GNAI1: variants seen among roughly 807,000 people sequenced by gnomAD.
GNAI1 encodes the protein guanine nucleotide-binding protein G(i) subunit alpha-1.
Under a neutral mutation model 38.9 loss-of-function variants are expected in GNAI1, and 11 were observed. The ratio of observed to expected loss-of-function variants is 0.28; its 90% CI spans 0.18 to 0.47. GNAI1 has a LOEUF of 0.47. Ranked by LOEUF, GNAI1 falls within the 20% of genes least tolerant of loss-of-function variation. The pLI, the probability that GNAI1 is intolerant of heterozygous loss-of-function variation, is 0.99. For synonymous variants in GNAI1, 166 were observed against 145.1 expected (o/e 1.14, Z -1.04); for missense variants, 317 against 436.9 (o/e 0.73, Z 2.45).
At chr7:80,175,642 C>G (rs764982318) in intron 1 of GNAI1, among the ~76,000 whole-genome samples, 10 of 150,884 alleles carry the variant, frequency 6.6e-5, no homozygotes, top group Non-Finnish European at 1.3e-4. Flanking sequence ...TATGTGTGCT[C>G]ATTTTGTATC....
Position 80,182,469 on chromosome 7 carries a change from G to C in GNAI1, c.119-6482G>C, listed in dbSNP as rs555395640. 1.1e-4 allele frequency among the ~76,000 whole-genome samples: 17 copies of C among 152,212 alleles called. 1 individual carries two copies. In the South Asian group the frequency reaches 3.5e-3, roughly 32 times the overall value. On this transcript the variant is annotated intron_variant, in intron 1 of 7. Transcript: ENST00000649796. ...TTTTGAAGCTGTGGATTTTGGATTT[G>C]AACGTTTACAGTCATTATTAAATTC...
chr7:80,219,913 C>CT lies in GNAI1; in HGVS notation c.*2421dup, dbSNP rs1474976512. The stretch of plus-strand genomic sequence containing the variant: ...CTGACAGTTCTACAAAGCCTTAAAT[C>CT]TGTTTTTTGTTTGTTTTCCTTTCTA... On this transcript the variant is annotated 3_prime_UTR_variant, in exon 8 of 8. Transcript: ENST00000649796. 6.6e-6 allele frequency among the ~76,000 whole-genome samples: 1 copy of CT among 152,150 alleles called. No individual in the cohort carries two copies. Among genetic ancestry groups the CT allele is most frequent in the Non-Finnish European group, 1.5e-5 (1 of 68,034 alleles).
At chr7:80,153,696 C>T (rs1275957830) in intron 1 of GNAI1, among the ~76,000 whole-genome samples, 1 of 152,136 alleles carries the variant, frequency 6.6e-6, no homozygotes, top group Non-Finnish European at 1.5e-5. Context: ...AGGTTTACAT[C>T]CATTGTGCCA....
intron 4 of GNAI1, among the ~76,000 whole-genome samples, chr7:80,203,223 G>T (rs1441574533): frequency 6.6e-6 from 1 of 152,108 alleles, no homozygotes; most frequent in Non-Finnish European, 1.5e-5. Context: ...ACATAAGACT[G>T]GTTGAAAAGA....
At chr7:80,138,280 G>A (rs1787461615) in intron 1 of GNAI1, among the ~76,000 whole-genome samples, 1 of 152,104 alleles carries the variant, frequency 6.6e-6, no homozygotes, top group Admixed American at 6.5e-5. Flanking sequence ...CACACTATTA[G>A]TAAAGATTTT....
chr7:80,172,503 A>G (rs958569340), intron 1 of GNAI1, among the ~76,000 whole-genome samples: 1 of 152,162 alleles, frequency 6.6e-6, no homozygotes, highest in Admixed American at 6.5e-5. Flanking sequence ...TTAGTCAAAA[A>G]CATATGCTTC....
intron 5 of GNAI1, among the ~76,000 whole-genome samples, chr7:80,207,003 C>T (rs1788787673): frequency 6.6e-6 from 1 of 152,004 alleles, no homozygotes; most frequent in Non-Finnish European, 1.5e-5. Context: ...TACTGTATTT[C>T]TAACCAATAT....
chr7:80,146,184 A>C (rs1289853211), intron 1 of GNAI1, among the ~76,000 whole-genome samples: 1 of 152,026 alleles, frequency 6.6e-6, no homozygotes, highest in Non-Finnish European at 1.5e-5. Flanking sequence ...TTTGGCCCAG[A>C]GTGGAGATTA....
Position 80,221,379 on chromosome 7 carries a change from A to C in GNAI1, c.*3886A>C, listed in dbSNP as rs1789071708. On this transcript the variant is annotated 3_prime_UTR_variant, in exon 8 of 8. Coordinates refer to ENST00000649796, the MANE Select transcript of GNAI1 (RefSeq NM_002069.6). ...CGTCAATACAATTTGCTGTTATTTG[A>C]TTATAAATAATAGTTTTAAGGTGCC... Among the ~76,000 whole-genome samples, 1 of 152,176 alleles carries C rather than the reference A, an allele frequency of 6.6e-6. No individual in the cohort carries two copies. Among genetic ancestry groups the C allele is most frequent in the African/African-American group, 2.4e-5 (1 of 41,434 alleles).
chr7:80,190,408 C>T (rs1304795268), intron 3 of GNAI1, among the ~76,000 whole-genome samples: 1 of 151,890 alleles, frequency 6.6e-6, no homozygotes, highest in African/African-American at 2.4e-5. Flanking sequence ...ATTTATTCAG[C>T]AAACTTTTTG....
At chr7:80,158,843 G>A (rs1023269953) in intron 1 of GNAI1, among the ~76,000 whole-genome samples, 1 of 152,206 alleles carries the variant, frequency 6.6e-6, no homozygotes, top group African/African-American at 2.4e-5. Flanking sequence ...CCTGGGATAT[G>A]TAGGGAGGAC....
chr7:80,183,287 C>T (rs1404407228), intron 1 of GNAI1, among the ~76,000 whole-genome samples: 2 of 151,988 alleles, frequency 1.3e-5, no homozygotes, highest in Non-Finnish European at 2.9e-5. Context: ...CCCTTGCACC[C>T]CTACTTTATC....
intron 1 of GNAI1, among the ~76,000 whole-genome samples, chr7:80,166,975 G>T (rs1207159907): frequency 6.6e-6 from 1 of 152,146 alleles, no homozygotes; most frequent in Non-Finnish European, 1.5e-5. Context: ...ATGTCAAACA[G>T]CCTGTGAGAG....
In GNAI1 at chr7:80,145,886, T is replaced by A. The variant is rs574091253; in HGVS notation, c.118+10608T>A. On this transcript the variant is annotated intron_variant, in intron 1 of 7. Transcript: ENST00000649796. ...GATGCTGTGTCCTTCTTACTTGGTT[T>A]TTCCCAGGCAGCCCTTTCCTGTAGA... 5.3e-5 allele frequency among the ~76,000 whole-genome samples: 8 copies of A among 152,288 alleles called. No homozygotes were observed. The South Asian group carries it at 1.5e-3, about 28-fold the overall frequency.
intron 1 of GNAI1, among the ~76,000 whole-genome samples, chr7:80,150,950 C>T (rs911384391): frequency 6.6e-6 from 1 of 152,138 alleles, no homozygotes; most frequent in Non-Finnish European, 1.5e-5. Context: ...TATATCAGTC[C>T]TCCAGAATGA....
intron 1 of GNAI1, among the ~76,000 whole-genome samples, chr7:80,138,856 G>A (rs965385547): frequency 6.6e-6 from 1 of 151,978 alleles, no homozygotes; most frequent in African/African-American, 2.4e-5. Flanking sequence ...AGGTTTGGGG[G>A]AAAATGAGCT....
chr7:80,199,442 A>T (rs1339190329), intron 4 of GNAI1, 60 bp downstream of exon 4: 1 of 1,265,286 alleles, frequency 7.9e-7, no homozygotes. Flanking sequence ...AGTCAAATAT[A>T]CTTCCAAGTC....
At chr7:80,135,580 C>G (rs1407145892) in intron 1 of GNAI1, among the ~76,000 whole-genome samples, 1 of 148,814 alleles carries the variant, frequency 6.7e-6, no homozygotes, top group Non-Finnish European at 1.5e-5. Context: ...CGCGTGGAAA[C>G]CCTTTGCTTT....
intron 1 of GNAI1, among the ~76,000 whole-genome samples, chr7:80,185,609 C>T (rs974392394): frequency 2.0e-5 from 3 of 152,172 alleles, no homozygotes; most frequent in Non-Finnish European, 2.9e-5. Flanking sequence ...GCGGTTTCCT[C>T]TATCTCTGTT....
Sources: gnomAD v4.1 joint callset for allele counts (sites outside exome capture counted in the v4.1 genomes callset) on GRCh38, gnomAD v4.1.1 for gene constraint, MANE v1.5 for transcripts, NCBI Gene and HGNC (gene_info 2026-07-23, HGNC 2026-07-21) for gene names.